Variants in EYS observed in about 807,000 individuals in gnomAD.
The protein encoded by EYS is EGF-like photoreceptor maintenance factor.
Under a neutral mutation model 282.1 loss-of-function variants are expected in EYS, and 250 were observed. The ratio of observed to expected loss-of-function variants is 0.89; its 90% confidence interval spans 0.80 to 0.98. The LOEUF is 0.98. Ranked by LOEUF, EYS falls within the 50% of genes least tolerant of loss-of-function variation. The probability of loss-of-function intolerance (pLI) is 0.00; values close to 1 mark genes in which losing one functional copy is unlikely to be tolerated. For synonymous variants in EYS, 1,355 were observed against 1,282.9 expected (o/e 1.06, Z -1.20); for missense variants, 4,016 against 3,709.0 (o/e 1.08, Z -2.15).
chr6:64,715,039 T>C (rs934322398), intron 22 of EYS, among the ~76,000 whole-genome samples: 23 of 152,128 alleles, frequency 1.5e-4, no homozygotes, highest in Non-Finnish European at 2.9e-4. Flanking sequence ...CAGTTTTTTT[T>C]TTTTGGCACC....
intron 26 of EYS, among the ~76,000 whole-genome samples, chr6:64,485,672 A>G (rs947353765): frequency 4.0e-5 from 6 of 151,484 alleles, no homozygotes; most frequent in Admixed American, 3.3e-4. Flanking sequence ...ATTATAGAAG[A>G]TTAGTTCTGA....
At chr6:65,127,802 G>A (rs1217149659) in intron 12 of EYS, among the ~76,000 whole-genome samples, 2 of 151,988 alleles carry the variant, frequency 1.3e-5, no homozygotes, top group Admixed American at 1.3e-4. Context: ...AGGGTGATGG[G>A]CTAAGACCTC....
chr6:64,032,301 T>C (rs1277639380), intron 33 of EYS, among the ~76,000 whole-genome samples: 2 of 152,196 alleles, frequency 1.3e-5, no homozygotes, highest in African/African-American at 4.8e-5. Context: ...TTGAAGTCAG[T>C]GAGACCAAGA....
chr6:65,536,979 CAG>C, intron 2 of EYS, among the ~76,000 whole-genome samples: 1 of 152,258 alleles, frequency 6.6e-6, no homozygotes, highest in Admixed American at 6.5e-5. Context: ...TATAACTAAA[CAG>C]ATGTGTATTG....
chr6:64,260,132 G>T (rs1430946984), intron 30 of EYS, among the ~76,000 whole-genome samples: 1 of 91,864 alleles, frequency 1.1e-5, no homozygotes, highest in Non-Finnish European at 2.5e-5. Flanking sequence ...TTAATGGGGC[G>T]GGGCAGGGGG....
At chr6:64,610,837 A>G (rs1266686095) in intron 24 of EYS, among the ~76,000 whole-genome samples, 1 of 151,980 alleles carries the variant, frequency 6.6e-6, no homozygotes, top group East Asian at 1.9e-4. Flanking sequence ...AATACAGAAA[A>G]CTTCCTCTTT....
chr6:63,770,564 T>C (rs989677655), intron 40 of EYS, among the ~76,000 whole-genome samples: 1 of 152,188 alleles, frequency 6.6e-6, no homozygotes, highest in Non-Finnish European at 1.5e-5. Flanking sequence ...TCTGCATATA[T>C]AACTTATTTC....
chr6:64,987,299 A>T (rs1169861023), intron 14 of EYS, among the ~76,000 whole-genome samples: 1 of 151,514 alleles, frequency 6.6e-6, no homozygotes, highest in East Asian at 1.9e-4. Context: ...TAAAATGCTT[A>T]GAAACATAAA....
intron 31 of EYS, among the ~76,000 whole-genome samples, chr6:64,127,678 CAG>C (rs1167976272): frequency 6.6e-6 from 1 of 151,794 alleles, no homozygotes; most frequent in Non-Finnish European, 1.5e-5. Flanking sequence ...TGGCTCAAGA[CAG>C]AGAAAAATAG....
At chr6:65,212,355 A>G (rs1041169867) in intron 12 of EYS, among the ~76,000 whole-genome samples, 15 of 152,068 alleles carry the variant, frequency 9.9e-5, no homozygotes, top group Non-Finnish European at 4.4e-5. Context: ...ATCAGATAAA[A>G]TTTTTTCTTT....
At chr6:64,471,591 A>G (rs1776123325) in intron 26 of EYS, among the ~76,000 whole-genome samples, 1 of 152,188 alleles carries the variant, frequency 6.6e-6, no homozygotes, top group Non-Finnish European at 1.5e-5. Context: ...AAGGGGCCAC[A>G]AGCAAATGAA....
chr6:64,017,519 G>C (rs1768952721), intron 33 of EYS, among the ~76,000 whole-genome samples: 1 of 152,118 alleles, frequency 6.6e-6, no homozygotes, highest in Non-Finnish European at 1.5e-5. Flanking sequence ...CTGTTCCTCA[G>C]GTTCCTCCCT....
At chr6:64,699,064 A>G (rs1334449085) in intron 22 of EYS, among the ~76,000 whole-genome samples, 1 of 152,100 alleles carries the variant, frequency 6.6e-6, no homozygotes, top group Non-Finnish European at 1.5e-5. Context: ...GCAAAGATTA[A>G]TCAACTTAAA....
At chr6:64,597,215 A>G (rs1766615016) in intron 24 of EYS, among the ~76,000 whole-genome samples, 1 of 152,208 alleles carries the variant, frequency 6.6e-6, no homozygotes, top group Admixed American at 6.5e-5. Context: ...ACAAAAAATA[A>G]CAGATATTGG....
At chr6:65,258,677 A>C (rs1767537808) in intron 12 of EYS, among the ~76,000 whole-genome samples, 1 of 152,106 alleles carries the variant, frequency 6.6e-6, no homozygotes, top group African/African-American at 2.4e-5. Context: ...TCTAGTACCT[A>C]CAGAGAAATT....
chr6:65,387,356 T>G (rs868837830), intron 7 of EYS, among the ~76,000 whole-genome samples: 3 of 151,864 alleles, frequency 2.0e-5, no homozygotes, highest in Admixed American at 6.6e-5. Context: ...CTACTAGTAT[T>G]TATAACTGCT....
chr6:65,306,461 C>T (rs1442773354), intron 11 of EYS, among the ~76,000 whole-genome samples: 1 of 152,082 alleles, frequency 6.6e-6, no homozygotes, highest in East Asian at 1.9e-4. Flanking sequence ...GTTCAGGTTT[C>T]ACCACGGATT....
At chr6:63,976,239 A>G (rs543363275) in intron 35 of EYS, among the ~76,000 whole-genome samples, 4 of 152,180 alleles carry the variant, frequency 2.6e-5, no homozygotes, top group South Asian at 2.1e-4. Context: ...CGTAGACTTT[A>G]TAAATACCAT....
intron 10 of EYS, among the ~76,000 whole-genome samples, chr6:65,339,212 T>C (rs1034488797): frequency 9.3e-5 from 14 of 151,136 alleles, no homozygotes; most frequent in African/African-American, 3.4e-4. Flanking sequence ...CAAAGTTAGA[T>C]AGGTAATTAA....
Sources: gnomAD v4.1 joint callset for allele counts (sites outside exome capture counted in the v4.1 genomes callset) on GRCh38, gnomAD v4.1.1 for gene constraint, MANE v1.5 for transcripts, NCBI Gene and HGNC (gene_info 2026-07-23, HGNC 2026-07-21) for gene names.